Variants in LOC128462377 observed in about 807,000 individuals in gnomAD.
At chr16:89,383,157 C>T in the LOC128462377 span, among the ~76,000 whole-genome samples, 1 of 152,322 alleles carries the variant, frequency 6.6e-6, no homozygotes, top group East Asian at 1.9e-4. Flanking sequence ...GCCAAACAGC[C>T]GCCTGTGCTG....
the LOC128462377 span, among the ~76,000 whole-genome samples, chr16:89,323,564 A>AGCCG: frequency 8.0e-5 from 1 of 12,566 alleles, no homozygotes; most frequent in African/African-American, 3.3e-4. Context: ...GGTCTGAGCT[A>AGCCG]AGGGCACGGG....
chr16:89,325,988 C>G, the LOC128462377 span, among the ~76,000 whole-genome samples: 1 of 152,176 alleles, frequency 6.6e-6, no homozygotes, highest in Non-Finnish European at 1.5e-5. Context: ...CTGCAGGGCA[C>G]CCACTGCAGA....
chr16:89,361,848 A>C, the LOC128462377 span, among the ~76,000 whole-genome samples: 2 of 152,226 alleles, frequency 1.3e-5, no homozygotes, highest in Admixed American at 6.5e-5. Context: ...AACAAACAAA[A>C]AAAATCCGCA....
At chr16:89,343,702 CA>C in the LOC128462377 span, 5 of 152,400 alleles carry the variant, frequency 3.3e-5, no homozygotes, top group East Asian at 9.7e-4. Flanking sequence ...CCACGACTAA[CA>C]GGTTTATTAC....
the LOC128462377 span, among the ~76,000 whole-genome samples, chr16:89,332,389 C>CA: frequency 5.3e-5 from 8 of 152,334 alleles, no homozygotes; most frequent in South Asian, 1.4e-3. Flanking sequence ...CTGAGCCCCC[C>CA]AAGTCCCCGA....
the LOC128462377 span, among the ~76,000 whole-genome samples, chr16:89,355,550 C>A: frequency 6.6e-6 from 1 of 152,168 alleles, no homozygotes; most frequent in African/African-American, 2.4e-5. Flanking sequence ...AACGCTCTCT[C>A]TTCCAGCAGG....
At chr16:89,366,340 T>A in the LOC128462377 span, among the ~76,000 whole-genome samples, 4 of 152,200 alleles carry the variant, frequency 2.6e-5, no homozygotes, top group African/African-American at 9.6e-5. Flanking sequence ...TCTGGGTATA[T>A]ACCCAGTAAT....
chr16:89,357,913 T>G, the LOC128462377 span, among the ~76,000 whole-genome samples: 1 of 152,232 alleles, frequency 6.6e-6, no homozygotes, highest in African/African-American at 2.4e-5. Flanking sequence ...TATTGAACAC[T>G]GGGATGAAAG....
At chr16:89,323,031 T>G in the LOC128462377 span, 2 of 295,232 alleles carry the variant, frequency 6.8e-6, no homozygotes, top group East Asian at 1.1e-4. Flanking sequence ...TTCTGTGGAG[T>G]CGGGTTTCGC....
the LOC128462377 span, among the ~76,000 whole-genome samples, chr16:89,381,744 T>TAC: frequency 6.6e-6 from 1 of 152,158 alleles, no homozygotes; most frequent in Non-Finnish European, 1.5e-5. Context: ...TGTCAGCATA[T>TAC]ACACCCCTCC....
the LOC128462377 span, among the ~76,000 whole-genome samples, chr16:89,396,845 C>G: frequency 6.6e-6 from 1 of 152,150 alleles, no homozygotes; most frequent in Non-Finnish European, 1.5e-5. Flanking sequence ...CACCACCACA[C>G]CCGGCTAATT....
chr16:89,390,231 G>A, the LOC128462377 span, among the ~76,000 whole-genome samples: 9 of 129,772 alleles, frequency 6.9e-5, no homozygotes, highest in African/African-American at 1.4e-4. Context: ...GGGGAGCACC[G>A]AGAGAGAAGA....
the LOC128462377 span, among the ~76,000 whole-genome samples, chr16:89,382,651 TC>T: frequency 2.0e-5 from 3 of 147,076 alleles, no homozygotes; most frequent in Non-Finnish European, 3.0e-5. Flanking sequence ...AATAAACAAT[TC>T]CCCCCCTCCA....
At chr16:89,377,141 C>G in the LOC128462377 span, among the ~76,000 whole-genome samples, 1 of 152,174 alleles carries the variant, frequency 6.6e-6, no homozygotes, top group Non-Finnish European at 1.5e-5. Context: ...GTGAGTTCAA[C>G]AGCAGAGGCG....
chr16:89,357,342 C>T, the LOC128462377 span, among the ~76,000 whole-genome samples: 2 of 152,124 alleles, frequency 1.3e-5, no homozygotes, highest in Non-Finnish European at 2.9e-5. Flanking sequence ...ACACTTGCTG[C>T]CAGTCTCCAG....
the LOC128462377 span, among the ~76,000 whole-genome samples, chr16:89,352,022 C>T: frequency 1.1e-3 from 173 of 152,242 alleles, 1 homozygote; most frequent in African/African-American, 4.0e-3. Context: ...GCAATTCTCA[C>T]GCCTCCGCTG....
chr16:89,349,618 C>T, the LOC128462377 span, among the ~76,000 whole-genome samples: 1 of 151,980 alleles, frequency 6.6e-6, no homozygotes, highest in South Asian at 2.1e-4. Flanking sequence ...AAACAAAAAC[C>T]TCTAACCTTA....
At chr16:89,376,395 T>A in the LOC128462377 span, among the ~76,000 whole-genome samples, 2 of 152,212 alleles carry the variant, frequency 1.3e-5, no homozygotes, top group African/African-American at 4.8e-5. Context: ...CCAGACACCA[T>A]GAGGAATATC....
At chr16:89,387,391 G>T in the LOC128462377 span, among the ~76,000 whole-genome samples, 1 of 152,026 alleles carries the variant, frequency 6.6e-6, no homozygotes, top group Non-Finnish European at 1.5e-5. Context: ...ACTGTGCTTG[G>T]GCCGGGCGCG....
Sources: allele counts gnomAD v4.1 joint callset (sites outside exome capture counted in the v4.1 genomes callset), GRCh38; gene constraint gnomAD v4.1.1; transcripts MANE v1.5.